The following TEAD1 variants were observed in gnomAD, a reference collection of about 807,000 sequenced individuals.
TEAD1 encodes transcriptional enhancer factor TEF-1.
In TEAD1, 9 loss-of-function variants were observed where a neutral mutation model predicts 54.9. The ratio of observed to expected loss-of-function variants is 0.16; its 90% CI spans 0.10 to 0.29. The LOEUF (loss-of-function observed/expected upper bound fraction) is 0.29, where lower values mean the gene tolerates loss of function less well. Among genes scored for constraint, TEAD1 ranks in the 10% least tolerant of loss-of-function variants. The pLI is 1.00. For missense variants in TEAD1, 387 were observed against 535.9 expected (o/e 0.72, Z 2.74); for synonymous variants, 200 against 187.8 (o/e 1.07, Z -0.53).
At position 12,943,898 on chromosome 11, in the gene TEAD1, CAAGG is replaced by C. The variant is rs1427409517; in HGVS notation, c.*6679_*6682del. The C allele has an allele frequency of 7.0e-6, 1 of 142,212 alleles. No individual in the cohort carries two copies. Among genetic ancestry groups the C allele is most frequent in the Non-Finnish European group, 1.5e-5 (1 of 65,458 alleles). 8.8% of individuals were successfully genotyped at this position (142,212 alleles called of 1,614,324 possible). A position where few individuals can be genotyped will look rare whatever the true frequency, so the allele number is the denominator to read the frequency against. On this transcript the variant is annotated 3_prime_UTR_variant, in exon 13 of 13. Coordinates refer to ENST00000527636, the MANE Select transcript of TEAD1 (RefSeq NM_021961.6). ...TTTTCAATAGGCTCATGACTGCAGA[CAAGG>C]AAAAAAAAAGTAAAAACAAAAACAG...
chr11:12,900,122 A>G lies in TEAD1; in HGVS notation c.700-1818A>G, dbSNP rs1948398257. On this transcript the variant is annotated intron_variant, in intron 9 of 12. Transcript: ENST00000527636. Reference sequence around the variant, plus strand: ...GTTGCCCAGGCTGGAGTGCAACAGCATGATCATAGCTCCATTACACCTTCG... The same window carrying G: ...GTTGCCCAGGCTGGAGTGCAACAGCGTGATCATAGCTCCATTACACCTTCG... Among the ~76,000 whole-genome samples the G allele has an allele frequency of 2.6e-5, 4 of 152,288 alleles. No homozygotes were observed. In the South Asian group the frequency reaches 8.3e-4, roughly 32 times the overall value.
At chr11:12,766,613 G>A (rs950677146) in intron 3 of TEAD1, among the ~76,000 whole-genome samples, 2 of 152,196 alleles carry the variant, frequency 1.3e-5, no homozygotes, top group Non-Finnish European at 2.9e-5. Flanking sequence ...TTTGACAAAT[G>A]TGGTGCTGCT....
intron 3 of TEAD1, among the ~76,000 whole-genome samples, chr11:12,816,487 G>GT (rs1946419012): frequency 6.6e-6 from 1 of 152,140 alleles, no homozygotes; most frequent in Non-Finnish European, 1.5e-5. Context: ...TTTGGTATTT[G>GT]TAGTGGCTTA....
intron 5 of TEAD1, among the ~76,000 whole-genome samples, chr11:12,871,565 C>T (rs747784728): frequency 6.6e-6 from 1 of 152,038 alleles, no homozygotes; most frequent in African/African-American, 2.4e-5. Flanking sequence ...TTCAGTTGCC[C>T]TAAGAAGTTG....
At chr11:12,840,096 A>T (rs1304297985) in intron 3 of TEAD1, among the ~76,000 whole-genome samples, 1 of 151,754 alleles carries the variant, frequency 6.6e-6, no homozygotes, top group East Asian at 1.9e-4. Context: ...AAATACAAAA[A>T]ATTAGCCAGG....
chr11:12,849,893 C>A (rs1947235031), intron 3 of TEAD1, among the ~76,000 whole-genome samples: 1 of 152,106 alleles, frequency 6.6e-6, no homozygotes, highest in African/African-American at 2.4e-5. Flanking sequence ...GTTAAGATAT[C>A]ACAATAAGTG....
At chr11:12,840,425 G>A (rs892145978) in intron 3 of TEAD1, among the ~76,000 whole-genome samples, 1 of 152,110 alleles carries the variant, frequency 6.6e-6, no homozygotes, top group African/African-American at 2.4e-5. Flanking sequence ...ATTCAGTGTT[G>A]TGCTGGTAAA....
At chr11:12,711,765 G>A (rs1487106474) in intron 2 of TEAD1, among the ~76,000 whole-genome samples, 2 of 152,184 alleles carry the variant, frequency 1.3e-5, no homozygotes, top group Non-Finnish European at 2.9e-5. Flanking sequence ...TGTAATAAAG[G>A]CAAAGTAGCA....
At position 12,937,283 on chromosome 11, in the gene TEAD1, A is replaced by T. The variant is rs1726498513; in HGVS notation, c.*61A>T. On this transcript the variant is annotated 3_prime_UTR_variant, in exon 13 of 13. Transcript: ENST00000527636. ...CACACACACATATGTGCACACACAC[A>T]CTCTCTCTCCATTATCGAACGACTG... is the stretch of plus-strand genomic sequence containing the variant. 5 of 1,306,384 alleles carry T rather than the reference A, an allele frequency of 3.8e-6. No homozygotes were observed. The highest frequency in any genetic ancestry group is 1.8e-5 in the Admixed American group (1 of 56,968). The allele number at this position is 1,306,384 out of a possible 1,614,324, so 80.9% of individuals were successfully genotyped here.
At chr11:12,813,678 T>A (rs55646321) in intron 3 of TEAD1, among the ~76,000 whole-genome samples, 3,396 of 152,290 alleles carry the variant, frequency 0.022, 144 homozygotes, top group African/African-American at 0.076. Flanking sequence ...TTTGCAGGGC[T>A]GTATAAGGAT....
At chr11:12,826,300 T>C (rs182990214) in intron 3 of TEAD1, among the ~76,000 whole-genome samples, 2 of 152,338 alleles carry the variant, frequency 1.3e-5, no homozygotes, top group African/African-American at 2.4e-5. Flanking sequence ...TGGGCTCTTG[T>C]AGGTCTCTGT....
chr11:12,911,485 C>T (rs578172929), intron 10 of TEAD1, among the ~76,000 whole-genome samples: 2 of 152,224 alleles, frequency 1.3e-5, no homozygotes, highest in Admixed American at 1.3e-4. Flanking sequence ...GAAGGAGGGG[C>T]CTTTCAGCTC....
At position 12,764,339 on chromosome 11, in the gene TEAD1, G is replaced by A. The variant is rs775784311; in HGVS notation, c.107G>A (p.Ser36Asn). 1 of 1,614,204 alleles carries A rather than the reference G, an allele frequency of 6.2e-7. No individual in the cohort carries two copies. Among genetic ancestry groups the A allele is most frequent in the South Asian group, 1.1e-5 (1 of 91,082 alleles). The change falls in exon 3 of 13, where the codon AGC becomes AAC. Residue 36 changes from serine (S) to asparagine (N), a missense_variant. Around this residue, in one of 5 missense-constraint regions of TEAD1, gnomAD observed 55 missense variants for 50.4 expected, o/e 1.09. Coordinates refer to ENST00000527636, the MANE Select transcript of TEAD1 (RefSeq NM_021961.6). ...GACAATGATGCAGAAGGGGTCTGGA[G>A]CCCCGACATCGAGCAAAGCTTTCAG...
chr11:12,788,860 G>GT (rs1236085439), intron 3 of TEAD1, among the ~76,000 whole-genome samples: 1 of 152,228 alleles, frequency 6.6e-6, no homozygotes, highest in Non-Finnish European at 1.5e-5. Flanking sequence ...GATTTTAGCT[G>GT]TTTTCTTAAG....
intron 2 of TEAD1, among the ~76,000 whole-genome samples, chr11:12,685,534 G>C (rs1350007115): frequency 2.6e-5 from 4 of 152,150 alleles, no homozygotes; most frequent in African/African-American, 9.7e-5. Context: ...GTGATCGAGT[G>C]ATTAAAAACT....
chr11:12,924,993 A>T lies in TEAD1; in HGVS notation c.955A>T (p.Thr319Ser), dbSNP rs1235136844. ...TCAGTACGAGAGTTCTGAAAATATG[A>T]CAGTCACCTGTTCCACCAAAGTTTG... Residue 319 changes from threonine (T) to serine (S), a missense_variant, in exon 11 of 13, where the codon ACA becomes TCA. This residue lies in a region of TEAD1 where 123 missense variants were observed against 199.0 expected (regional missense o/e 0.62). Coordinates refer to ENST00000527636, the MANE Select transcript of TEAD1 (RefSeq NM_021961.6). 4 of 1,614,058 alleles carry T rather than the reference A, an allele frequency of 2.5e-6. No individual in the cohort carries two copies. Among genetic ancestry groups the T allele is most frequent in the Non-Finnish European group, 3.4e-6 (4 of 1,180,046 alleles).
rs1943679816 is a variant in TEAD1 at position 12,700,607 on chromosome 11, T to TC, written c.-55+25047dup. Among the ~76,000 whole-genome samples, 5 of 152,236 alleles carry TC rather than the reference T, an allele frequency of 3.3e-5. No individual in the cohort carries two copies. The South Asian group carries it at 1.0e-3, about 31-fold the overall frequency. The stretch of plus-strand genomic sequence containing the variant: ...CACATTGATCTTAGAAACTTTTTTT[T>TC]CTATGATAGGAGGATTTCTAGAAAT... On this transcript the variant is annotated intron_variant, in intron 2 of 12. Transcript: ENST00000527636.
intron 11 of TEAD1, among the ~76,000 whole-genome samples, chr11:12,929,227 CTCT>C (rs1380880566): frequency 6.9e-6 from 1 of 145,412 alleles, no homozygotes; most frequent in Non-Finnish European, 1.5e-5. Flanking sequence ...GTGAAATAAT[CTCT>C]TATGTATCTT....
At chr11:12,870,562 G>GC (rs369632839) in intron 5 of TEAD1, among the ~76,000 whole-genome samples, 5,471 of 151,392 alleles carry the variant, frequency 0.036, 319 homozygotes, top group African/African-American at 0.12. Context: ...TTTCTCCCCC[G>GC]CCCCCCCCGG....
Sources: allele counts gnomAD v4.1 joint callset (sites outside exome capture counted in the v4.1 genomes callset), GRCh38; gene constraint gnomAD v4.1.1; regional missense constraint gnomAD v4.1.1; transcripts MANE v1.5; gene names NCBI Gene and HGNC (gene_info 2026-07-23, HGNC 2026-07-21).